The following PELI2 variants were observed in gnomAD, a reference collection of about 807,000 sequenced individuals.
The protein encoded by PELI2 is E3 ubiquitin-protein ligase pellino homolog 2.
Under a neutral mutation model 42.3 loss-of-function variants are expected in PELI2, and 23 were observed. The ratio of observed to expected loss-of-function variants is 0.54; its 90% CI spans 0.39 to 0.77. The LOEUF (loss-of-function observed/expected upper bound fraction) is 0.77. PELI2 is among the 30% of genes least tolerant of loss of function. PELI2 has a pLI of 0.00. For synonymous variants in PELI2, 245 were observed against 212.2 expected (o/e 1.15, Z -1.34); for missense variants, 463 against 553.2 (o/e 0.84, Z 1.64).
intron 2 of PELI2, among the ~76,000 whole-genome samples, chr14:56,269,382 G>T (rs1400841207): frequency 6.6e-6 from 1 of 152,054 alleles, no homozygotes; most frequent in Non-Finnish European, 1.5e-5. Context: ...GATTGAGGCT[G>T]CAATGAGCTG....
intron 2 of PELI2, among the ~76,000 whole-genome samples, chr14:56,221,960 C>G (rs1050303566): frequency 2.0e-5 from 3 of 151,782 alleles, no homozygotes; most frequent in Non-Finnish European, 4.4e-5. Flanking sequence ...TTGCCAGCCT[C>G]GAAGAGACTA....
intron 2 of PELI2, among the ~76,000 whole-genome samples, chr14:56,267,407 G>C (rs758896132): frequency 8.5e-5 from 13 of 152,078 alleles, no homozygotes; most frequent in Non-Finnish European, 1.8e-4. Context: ...CTTTTAAGAA[G>C]TTCAGTTTAA....
At chr14:56,255,147 A>G (rs2139822773) in intron 2 of PELI2, among the ~76,000 whole-genome samples, 1 of 152,342 alleles carries the variant, frequency 6.6e-6, no homozygotes, top group East Asian at 1.9e-4. Flanking sequence ...TATATACCCA[A>G]AGGATTATAA....
rs2139912309 is a variant in PELI2 at position 56,297,090 on chromosome 14, C to T, written c.1187C>T (p.Ala396Val). 6.2e-7 allele frequency: 1 copy of T among 1,610,032 alleles called. No homozygotes were observed. Among genetic ancestry groups the T allele is most frequent in the Non-Finnish European group, 8.5e-7 (1 of 1,179,954 alleles). The change falls in exon 6 of 6, where the codon GCT (alanine) becomes GTT (valine). Residue 396 changes from alanine to valine, a missense_variant. Physicochemically the swap from Ala to Val is moderately conservative, Grantham distance 64. This residue lies in a region of PELI2 where 103 missense variants were observed against 129.6 expected (regional missense o/e 0.80). Transcript: ENST00000267460. ...LPHGTHAFHA[A>V]CPFCATQLVG... is the part of the protein sequence containing the mutation. ...CATGGAACTCATGCATTTCACGCTG[C>T]TTGCCCTTTCTGTGCTACACAGCTG... is the stretch of plus-strand genomic sequence containing the variant.
chr14:56,152,543 C>G (rs1300289340), intron 1 of PELI2, among the ~76,000 whole-genome samples: 3 of 152,108 alleles, frequency 2.0e-5, no homozygotes, highest in Non-Finnish European at 4.4e-5. Flanking sequence ...CACCAACTTA[C>G]TATAATTATT....
rs754392956 is a variant in PELI2 at position 56,288,732 on chromosome 14, G to C, written c.507+98G>C. ...CAAAAAAAAATTGGCTTTGTATGTT[G>C]CCTCTAGTGAGATTTTGAGATTTTA... On this transcript the variant is annotated intron_variant, in intron 4 of 5. Coordinates refer to ENST00000267460, the MANE Select transcript of PELI2 (RefSeq NM_021255.3). The surrounding 1 kb of genome is among the most constrained non-coding windows in gnomAD (Gnocchi z 4.6). 9 of 851,984 alleles carry C rather than the reference G, an allele frequency of 1.1e-5. No individual in the cohort carries two copies. The highest frequency in any genetic ancestry group is 1.7e-5 in the Non-Finnish European group (9 of 538,450). The allele number at this position is 851,984 out of a possible 1,614,324, so 52.8% of individuals were successfully genotyped here.
rs1402003373 is a variant in PELI2, at chr14:56,299,289, A to G, written c.*2123A>G. 6.6e-6 allele frequency: 1 copy of G among 152,226 alleles called. No homozygotes were observed. Among genetic ancestry groups the G allele is most frequent in the Admixed American group, 6.5e-5 (1 of 15,284 alleles). 9.4% of individuals were successfully genotyped at this position (152,226 alleles called of 1,614,324 possible). ...TGTTTATAAGTCTAGTCATTCTGCA[A>G]CGTGACATATCCCCCAAAATGAAGT... On this transcript the variant is annotated 3_prime_UTR_variant, in exon 6 of 6. Coordinates refer to ENST00000267460, the MANE Select transcript of PELI2 (RefSeq NM_021255.3).
rs1421654650 is a variant in PELI2 at position 56,281,279 on chromosome 14, G to GT, written c.309+1503dup. Among the ~76,000 whole-genome samples, 5 of 152,098 alleles carry GT rather than the reference G, an allele frequency of 3.3e-5. 1 individual carries two copies. The highest frequency in any genetic ancestry group is 1.2e-4 in the African/African-American group (5 of 41,446). The stretch of plus-strand genomic sequence containing the variant: ...TAAAAATAAACCTATACTTCCAGGA[G>GT]TAGGTAAGAATGATTACAGTATGGT... On this transcript the variant is annotated intron_variant, in intron 3 of 5. Transcript: ENST00000267460.
At chr14:56,181,158 T>A (rs1409046366) in intron 2 of PELI2, among the ~76,000 whole-genome samples, 1 of 152,104 alleles carries the variant, frequency 6.6e-6, no homozygotes, top group African/African-American at 2.4e-5. Context: ...TATTTTTGGA[T>A]ATACTTCCTT....
intron 2 of PELI2, among the ~76,000 whole-genome samples, chr14:56,258,580 TAAA>T (rs34178504): frequency 6.9e-6 from 1 of 144,568 alleles, no homozygotes; most frequent in Non-Finnish European, 1.5e-5. Flanking sequence ...ATGTCTGAAA[TAAA>T]AAAAAAAACA....
rs965152827 is a variant in PELI2 at position 56,134,228 on chromosome 14, G to A, written c.77+15491G>A. On this transcript the variant is annotated intron_variant, in intron 1 of 5. Transcript: ENST00000267460. ...TTACAGTCATGAGTACAGAGATGTGGCCTGAAGCTGACAGTAATTTCAGCT... is the reference window on the plus strand; with the variant it reads ...TTACAGTCATGAGTACAGAGATGTGACCTGAAGCTGACAGTAATTTCAGCT... 2.0e-5 allele frequency among the ~76,000 whole-genome samples: 3 copies of A among 152,100 alleles called. No homozygotes were observed. In the South Asian group the frequency reaches 6.2e-4, roughly 32 times the overall value.
intron 5 of PELI2, among the ~76,000 whole-genome samples, chr14:56,295,942 G>A (rs1251446084): frequency 6.6e-6 from 1 of 152,276 alleles, no homozygotes; most frequent in African/African-American, 2.4e-5. Flanking sequence ...CTGGCATGTG[G>A]AGGCAGCGGT....
At position 56,180,500 on chromosome 14, in the gene PELI2, C is replaced by G. The variant is rs758763991; in HGVS notation, c.207+2036C>G. On this transcript the variant is annotated intron_variant, in intron 2 of 5. Coordinates refer to ENST00000267460, the MANE Select transcript of PELI2 (RefSeq NM_021255.3). The surrounding 1 kb of genome is among the most constrained non-coding windows in gnomAD (Gnocchi z 4.4). ...TGACTTTCCTCCAACCAACTTCTAT[C>G]TCTTTTAAAGGTTTACATTTTCAAG... Among the ~76,000 whole-genome samples the G allele has an allele frequency of 1.3e-5, 2 of 152,134 alleles. No individual in the cohort carries two copies. Among genetic ancestry groups the G allele is most frequent in the Non-Finnish European group, 2.9e-5 (2 of 68,032 alleles).
chr14:56,271,331 A>G (rs572894314), intron 2 of PELI2, among the ~76,000 whole-genome samples: 4 of 152,348 alleles, frequency 2.6e-5, no homozygotes, highest in African/African-American at 9.6e-5. Flanking sequence ...GGCCCCACTC[A>G]GACCTACCCC....
At chr14:56,271,055 G>A (rs923564602) in intron 2 of PELI2, among the ~76,000 whole-genome samples, 1 of 152,182 alleles carries the variant, frequency 6.6e-6, no homozygotes, top group East Asian at 1.9e-4. Context: ...CTGCAGTGAG[G>A]TGATGCAATT....
chr14:56,169,030 G>A (rs933080118), intron 1 of PELI2, among the ~76,000 whole-genome samples: 3 of 152,096 alleles, frequency 2.0e-5, no homozygotes, highest in African/African-American at 7.2e-5. Context: ...ATCCTGCTGC[G>A]GCTCAGCTGT....
At position 56,273,351 on chromosome 14, in the gene PELI2, A is replaced by G. The variant is rs566238349; in HGVS notation, c.208-6325A>G. On this transcript the variant is annotated intron_variant, in intron 2 of 5. Coordinates refer to ENST00000267460, the MANE Select transcript of PELI2 (RefSeq NM_021255.3). This position sits in a 1 kb window ranked among gnomAD's most constrained non-coding sequence, Gnocchi z 4.3. The stretch of plus-strand genomic sequence containing the variant: ...TGCAAGCCTTTCCTGACCTAGTATC[A>G]GAAGTCCCATGTGTCACATCCACGG... Among the ~76,000 whole-genome samples the G allele has an allele frequency of 1.1e-4, 17 of 152,354 alleles. No homozygotes were observed. The highest frequency in any genetic ancestry group is 3.6e-4 in the African/African-American group (15 of 41,580).
chr14:56,157,839 A>G (rs1884623214), intron 1 of PELI2, among the ~76,000 whole-genome samples: 1 of 152,218 alleles, frequency 6.6e-6, no homozygotes. Flanking sequence ...ACTGGAAGTA[A>G]TTATTTTAGT....
chr14:56,145,872 A>G (rs758061948), intron 1 of PELI2, among the ~76,000 whole-genome samples: 1 of 152,238 alleles, frequency 6.6e-6, no homozygotes, highest in African/African-American at 2.4e-5. Context: ...GACTTACATT[A>G]CTTTTGTTAT....
Sources: allele counts gnomAD v4.1 joint callset (sites outside exome capture counted in the v4.1 genomes callset), GRCh38; gene constraint gnomAD v4.1.1; regional missense constraint gnomAD v4.1.1; non-coding constraint Gnocchi (gnomAD v3.1); transcripts MANE v1.5; gene names NCBI Gene and HGNC (gene_info 2026-07-23, HGNC 2026-07-21).